The following NXPE2 variants were observed in gnomAD, a reference collection of about 807,000 sequenced individuals.
NXPE2 encodes the protein NXPE family member 2.
A neutral mutation model predicts 34.4 loss-of-function variants in NXPE2; 34 were observed. The observed-to-expected ratio is 0.99, with a 90% CI of 0.75 to 1.31. The LOEUF (loss-of-function observed/expected upper bound fraction) is 1.31, where lower values mean the gene tolerates loss of function less well. NXPE2 is among the 40% of genes most tolerant of loss of function. The probability of loss-of-function intolerance (pLI) is 0.00; values close to 1 mark genes in which losing one functional copy is unlikely to be tolerated. For missense variants in NXPE2, 649 were observed against 672.5 expected (o/e 0.97, Z 0.39); for synonymous variants, 235 against 231.3 (o/e 1.02, Z -0.15).
At chr11:114,471,601 A>G in the NXPE2 span, among the ~76,000 whole-genome samples, 1 of 152,226 alleles carries the variant, frequency 6.6e-6, no homozygotes, top group Non-Finnish European at 1.5e-5. Flanking sequence ...CAAGAAGCAT[A>G]GAAAACCTCC....
the NXPE2 span, among the ~76,000 whole-genome samples, chr11:114,606,674 A>T: frequency 1.3e-5 from 2 of 148,530 alleles, no homozygotes; most frequent in East Asian, 4.1e-4. Context: ...TAAGTATTGC[A>T]TCATGGGTCA....
At chr11:114,669,025 G>A in the NXPE2 span, among the ~76,000 whole-genome samples, 2 of 152,020 alleles carry the variant, frequency 1.3e-5, no homozygotes, top group Non-Finnish European at 2.9e-5. Context: ...ATGGTAGCTT[G>A]CTGAAAGTGG....
the NXPE2 span, among the ~76,000 whole-genome samples, chr11:114,538,735 T>C: frequency 6.6e-6 from 1 of 152,094 alleles, no homozygotes. Context: ...CACAATGAGA[T>C]ACCATCTCAC....
the NXPE2 span, among the ~76,000 whole-genome samples, chr11:114,662,027 C>T: frequency 6.6e-6 from 1 of 152,124 alleles, no homozygotes; most frequent in Non-Finnish European, 1.5e-5. Context: ...TCCACCTACC[C>T]CCCGCAAGGA....
At chr11:114,674,595 CAAAAG>C (rs957392303), upstream of NXPE2, among the ~76,000 whole-genome samples, 2 of 150,668 alleles carry the variant, frequency 1.3e-5, no homozygotes, top group African/African-American at 4.9e-5. Context: ...AATCAAATCA[CAAAAG>C]AAGACAACAA....
At chr11:114,756,160 G>T in the NXPE2 span, among the ~76,000 whole-genome samples, 1 of 151,982 alleles carries the variant, frequency 6.6e-6, no homozygotes, top group African/African-American at 2.4e-5. Context: ...ACTCTGTTAT[G>T]CCTTTGAATT....
At chr11:114,712,044 T>C (rs1222429208), downstream of NXPE2, among the ~76,000 whole-genome samples, 1 of 152,194 alleles carries the variant, frequency 6.6e-6, no homozygotes, top group Non-Finnish European at 1.5e-5. Flanking sequence ...GAAAACTGAA[T>C]ATTGACATGC....
chr11:114,481,566 GAAC>G, the NXPE2 span, among the ~76,000 whole-genome samples: 5,851 of 152,180 alleles, frequency 0.038, 147 homozygotes, highest in Middle Eastern at 0.082. Flanking sequence ...CACCTGGTAA[GAAC>G]AACAACACAG....
the NXPE2 span, among the ~76,000 whole-genome samples, chr11:114,542,164 T>C: frequency 6.6e-6 from 1 of 152,236 alleles, no homozygotes; most frequent in Non-Finnish European, 1.5e-5. Flanking sequence ...TCCTTATTTA[T>C]GTCTTTTCTT....
the NXPE2 span, among the ~76,000 whole-genome samples, chr11:114,541,505 C>G: frequency 1.3e-5 from 2 of 152,166 alleles, no homozygotes; most frequent in Non-Finnish European, 2.9e-5. Flanking sequence ...CAAATATGAG[C>G]GACCACGACA....
chr11:114,664,108 A>G, the NXPE2 span, among the ~76,000 whole-genome samples: 1 of 152,180 alleles, frequency 6.6e-6, no homozygotes, highest in African/African-American at 2.4e-5. Flanking sequence ...CAATTGCCAA[A>G]ACTGGAAAAT....
At chr11:114,534,787 G>T in the NXPE2 span, among the ~76,000 whole-genome samples, 19 of 152,206 alleles carry the variant, frequency 1.2e-4, no homozygotes, top group Admixed American at 2.0e-4. Context: ...TATGTGAAAA[G>T]ACCAAATCTA....
At chr11:114,617,525 G>T in the NXPE2 span, among the ~76,000 whole-genome samples, 4 of 152,236 alleles carry the variant, frequency 2.6e-5, no homozygotes, top group African/African-American at 9.6e-5. Context: ...AATACGTGTT[G>T]CCTCGTGGCT....
the NXPE2 span, among the ~76,000 whole-genome samples, chr11:114,608,335 A>G: frequency 6.6e-6 from 1 of 151,870 alleles, no homozygotes; most frequent in African/African-American, 2.4e-5. Context: ...TTGCTGGATA[A>G]TAAGTGTTGC....
chr11:114,650,634 G>T, the NXPE2 span, among the ~76,000 whole-genome samples: 1 of 152,134 alleles, frequency 6.6e-6, no homozygotes, highest in African/African-American at 2.4e-5. Flanking sequence ...CTAGGGAAGG[G>T]GCAGGAAGCT....
chr11:114,746,346 T>C, the NXPE2 span, among the ~76,000 whole-genome samples: 1 of 152,166 alleles, frequency 6.6e-6, no homozygotes, highest in Admixed American at 6.6e-5. Flanking sequence ...TCATATACAC[T>C]GAAGACAAAA....
At chr11:114,469,543 G>A in the NXPE2 span, among the ~76,000 whole-genome samples, 8 of 151,626 alleles carry the variant, frequency 5.3e-5, no homozygotes, top group Admixed American at 5.2e-4. Flanking sequence ...GGGCTAGAGT[G>A]CAGTGGTGCA....
chr11:114,717,635 C>T, the NXPE2 span, among the ~76,000 whole-genome samples: 1 of 152,206 alleles, frequency 6.6e-6, no homozygotes, highest in Non-Finnish European at 1.5e-5. Flanking sequence ...TAATGCCACA[C>T]ATCTTTCAGG....
At chr11:114,494,678 C>G in the NXPE2 span, among the ~76,000 whole-genome samples, 1 of 152,168 alleles carries the variant, frequency 6.6e-6, no homozygotes, top group East Asian at 1.9e-4. Flanking sequence ...GGTCGCGTAT[C>G]TCTTCCTCTC....
Sources: allele counts gnomAD v4.1 joint callset (sites outside exome capture counted in the v4.1 genomes callset), GRCh38; gene constraint gnomAD v4.1.1; transcripts MANE v1.5; gene names NCBI Gene and HGNC (gene_info 2026-07-23, HGNC 2026-07-21).